The following ATP9B variants were observed in gnomAD, a reference collection of about 807,000 sequenced individuals.
The protein encoded by ATP9B is probable phospholipid-transporting ATPase IIB.
ATP9B carries 110 observed loss-of-function variants against 146.1 expected under a neutral mutation model. The observed-to-expected ratio is 0.75, with a 90% confidence interval of 0.65 to 0.88. The LOEUF (loss-of-function observed/expected upper bound fraction) is 0.88, where lower values mean the gene tolerates loss of function less well. Ranked by LOEUF, ATP9B falls within the 40% of genes least tolerant of loss-of-function variation. The pLI is 0.00. For synonymous variants in ATP9B, 604 were observed against 569.7 expected, an observed-to-expected ratio of 1.06 and a Z score of -0.86; for missense variants, 1,499 against 1,496.4, an observed-to-expected ratio of 1.00 and a Z score of -0.03.
chr18:79,283,493 C>T (rs145135140), intron 13 of ATP9B, among the ~76,000 whole-genome samples: 55 of 152,324 alleles, frequency 3.6e-4, no homozygotes, highest in African/African-American at 1.1e-3. Context: ...GTGGTTCTCT[C>T]ATTTGCCACG....
At chr18:79,146,309 A>T (rs1180774187) in intron 6 of ATP9B, 3 of 84,184 alleles carry the variant, frequency 3.6e-5, no homozygotes, top group Non-Finnish European at 6.8e-5. Context: ...TGAAGGTGCA[A>T]GCTGCATGTC....
chr18:79,077,100 G>C (rs963644026), intron 1 of ATP9B, among the ~76,000 whole-genome samples: 2 of 152,132 alleles, frequency 1.3e-5, no homozygotes, highest in African/African-American at 4.8e-5. Flanking sequence ...TTCAGTATCT[G>C]TGTTGTTTTG....
chr18:79,159,733 G>C (rs1456513549), intron 7 of ATP9B, among the ~76,000 whole-genome samples: 2 of 152,126 alleles, frequency 1.3e-5, no homozygotes, highest in African/African-American at 2.4e-5. Flanking sequence ...TCCCGTCTCT[G>C]TCCTTTGCTT....
At chr18:79,376,755 C>T (rs8085627) in intron 29 of ATP9B, among the ~76,000 whole-genome samples, 39,420 of 145,596 alleles carry the variant, frequency 0.27, 6,123 homozygotes, top group African/African-American at 0.44. Context: ...AGTGCAGTGG[C>T]GTGATCTGAG....
At chr18:79,335,480 C>T (rs1045358932) in intron 17 of ATP9B, among the ~76,000 whole-genome samples, 1 of 152,224 alleles carries the variant, frequency 6.6e-6, no homozygotes, top group Non-Finnish European at 1.5e-5. Flanking sequence ...ATTTTGACAC[C>T]TTCCCTGACT....
chr18:79,071,760 G>C (rs760722621), intron 1 of ATP9B, among the ~76,000 whole-genome samples: 3 of 151,964 alleles, frequency 2.0e-5, no homozygotes, highest in Non-Finnish European at 1.5e-5. Context: ...CACTCAGATT[G>C]ATGTTCCCCT....
In ATP9B at chr18:79,200,072, T is replaced by G. The variant is rs1026404750; in HGVS notation, c.954+6809T>G. Among the ~76,000 whole-genome samples the G allele has an allele frequency of 9.2e-5, 14 of 152,356 alleles. 1 individual carries two copies. The highest frequency in any genetic ancestry group is 6.8e-3 in the Middle Eastern group (2 of 294). On this transcript the variant is annotated intron_variant, in intron 9 of 29. Transcript: ENST00000426216. ...CATAGTTGTTTGTTATTTAATATTA[T>G]GTACTGTACATAATTGTATGCACTA...
At chr18:79,077,742 G>T (rs1042396901) in intron 1 of ATP9B, among the ~76,000 whole-genome samples, 1 of 152,128 alleles carries the variant, frequency 6.6e-6, no homozygotes, top group South Asian at 2.1e-4. Flanking sequence ...TCATAAGGGG[G>T]CCAAACTGAG....
chr18:79,376,753 G>T (rs1478808860), intron 29 of ATP9B, among the ~76,000 whole-genome samples: 1 of 146,772 alleles, frequency 6.8e-6, no homozygotes, highest in African/African-American at 2.5e-5. Flanking sequence ...GGAGTGCAGT[G>T]GCGTGATCTG....
chr18:79,367,255 C>T (rs1271167891), intron 26 of ATP9B, among the ~76,000 whole-genome samples: 16 of 130,350 alleles, frequency 1.2e-4, no homozygotes, highest in South Asian at 2.7e-4. Context: ...TCACCTCCAC[C>T]GTGTGTACGC....
At chr18:79,252,814 T>TTC (rs1555789652) in intron 11 of ATP9B, among the ~76,000 whole-genome samples, 5 of 151,708 alleles carry the variant, frequency 3.3e-5, no homozygotes, top group African/African-American at 4.9e-5. Flanking sequence ...TTTTTTTTTT[T>TTC]CTGTAAGACA....
At position 79,126,268 on chromosome 18, in the gene ATP9B, G is replaced by T. The variant is rs375643863; in HGVS notation, c.560G>T (p.Gly187Val). 6.2e-7 allele frequency: 1 copy of T among 1,605,526 alleles called. No homozygotes were observed. Among genetic ancestry groups the T allele is most frequent in the African/African-American group, 1.3e-5 (1 of 74,834 alleles). ...AAAATACCTTATTTTGTTTTATAGG[G>T]ATTTGTCTTGGCTGTTACTATGACA... is the stretch of plus-strand genomic sequence containing the variant. ...GYLYTYWAPLGFVLAVTMTRE... is the reference protein window; with the variant it reads ...GYLYTYWAPLVFVLAVTMTRE... The change falls in exon 5 of 30, where the codon GGA (glycine) becomes GTA (valine). Residue 187 changes from glycine (G) to valine (V), a missense_variant and splice_region_variant. Transcript: ENST00000426216.
In ATP9B at chr18:79,150,710, C is replaced by T. The variant is rs542431403; in HGVS notation, c.727-3794C>T. 4.6e-5 allele frequency among the ~76,000 whole-genome samples: 7 copies of T among 152,204 alleles called. No homozygotes were observed. In the East Asian group the frequency reaches 9.6e-4, roughly 21 times the overall value. On this transcript the variant is annotated intron_variant, in intron 6 of 29. Coordinates refer to ENST00000426216, the MANE Select transcript of ATP9B (RefSeq NM_198531.5). ...ACATTTTTAAAAATACTTTTAAAGG[C>T]CGGGCATGATGATTCATACCTGTAA...
chr18:79,369,256 C>T (rs1460097469), intron 26 of ATP9B, among the ~76,000 whole-genome samples: 23 of 146,606 alleles, frequency 1.6e-4, no homozygotes, highest in African/African-American at 1.8e-4. Flanking sequence ...AAAAATGAGC[C>T]GGGCGTGGTG....
At chr18:79,254,158 TAGGA>T (rs1389201543) in intron 12 of ATP9B, 1 of 152,224 alleles carries the variant, frequency 6.6e-6, no homozygotes, top group Non-Finnish European at 1.5e-5. Flanking sequence ...AAAATTTTCA[TAGGA>T]ATGAGCAACT....
At chr18:79,335,262 C>T (rs2096817588) in intron 17 of ATP9B, among the ~76,000 whole-genome samples, 1 of 152,158 alleles carries the variant, frequency 6.6e-6, no homozygotes, top group African/African-American at 2.4e-5. Flanking sequence ...CTCGTGTGGA[C>T]ATCAGGGTCT....
intron 13 of ATP9B, 55 bp from the exon 14 acceptor site, chr18:79,303,549 G>C (rs888650943): frequency 1.4e-6 from 2 of 1,429,414 alleles, no homozygotes; most frequent in African/African-American, 2.8e-5. Context: ...GGAAAGCTGG[G>C]TGTTCCCGCA....
Position 79,359,344 on chromosome 18 carries a change from G to C in ATP9B, c.2904-10G>C. 1 of 1,599,074 alleles carries C rather than the reference G, an allele frequency of 6.3e-7. No homozygotes were observed. The highest frequency in any genetic ancestry group is 8.6e-7 in the Non-Finnish European group (1 of 1,166,734). On this transcript the variant is annotated splice_polypyrimidine_tract_variant and intron_variant, in intron 25 of 29. Coordinates refer to ENST00000426216, the MANE Select transcript of ATP9B (RefSeq NM_198531.5). ...CTCACGCCCATTGCACTCCGCTCTT[G>C]GTCTTGCAGGTATGCCACCATATAC...
At chr18:79,280,357 A>G (rs1024394157) in intron 13 of ATP9B, among the ~76,000 whole-genome samples, 1 of 152,236 alleles carries the variant, frequency 6.6e-6, no homozygotes, top group Non-Finnish European at 1.5e-5. Context: ...GTAGACCAAT[A>G]TGAATCAGAA....
Sources: allele counts gnomAD v4.1 joint callset (sites outside exome capture counted in the v4.1 genomes callset), GRCh38; gene constraint gnomAD v4.1.1; transcripts MANE v1.5; gene names NCBI Gene and HGNC (gene_info 2026-07-23, HGNC 2026-07-21).